Variants in SLC7A14 observed in about 807,000 individuals in gnomAD.
SLC7A14 encodes the protein solute carrier family 7 member 14, also known as gamma-aminobutyric acid transporter SLC7A14.
A neutral mutation model predicts 60.2 loss-of-function variants in SLC7A14; 37 were observed. The ratio of observed to expected loss-of-function variants is 0.61; its 90% confidence interval spans 0.47 to 0.81. The LOEUF is 0.81. Among genes scored for constraint, SLC7A14 ranks in the 30% least tolerant of loss-of-function variants. The probability of loss-of-function intolerance (pLI) is 0.00; values close to 1 mark genes in which losing one functional copy is unlikely to be tolerated. For synonymous variants in SLC7A14, 399 were observed against 395.8 expected (o/e 1.01, Z -0.10); for missense variants, 886 against 982.7 (o/e 0.90, Z 1.32).
chr3:170,526,623 A>C lies in SLC7A14; in HGVS notation c.304+10T>G, dbSNP rs944589673. On this transcript the variant is annotated intron_variant, in intron 2 of 7. Transcript: ENST00000231706. ...CTTTCCACAGTACTTCCCTGCATGGAGACACTTACCTGATAATATGGATGC... is the reference window on the plus strand; with the variant it reads ...CTTTCCACAGTACTTCCCTGCATGGCGACACTTACCTGATAATATGGATGC... 2 of 1,612,682 alleles carry C rather than the reference A, an allele frequency of 1.2e-6. No homozygotes were observed. Among genetic ancestry groups the C allele is most frequent in the Admixed American group, 1.7e-5 (1 of 59,976 alleles).
In SLC7A14 at chr3:170,496,199, G is replaced by A. The variant is rs1712387229; in HGVS notation, c.759+2468C>T. The stretch of plus-strand genomic sequence containing the variant: ...TGGACAACAGCCTCTCCCTGGACAT[G>A]GACAGCATCATCGCTGAGGTCAAGG... On this transcript the variant is annotated intron_variant, in intron 4 of 7. Transcript: ENST00000231706. The A allele has an allele frequency of 5.5e-6, 5 of 912,462 alleles. No individual in the cohort carries two copies. The Admixed American group carries it at 8.5e-5, about 15-fold the overall frequency. 56.5% of individuals were successfully genotyped at this position (912,462 alleles called of 1,614,324 possible).
intron 4 of SLC7A14, among the ~76,000 whole-genome samples, chr3:170,497,566 T>C (rs1321942379): frequency 6.6e-6 from 1 of 152,238 alleles, no homozygotes; most frequent in African/African-American, 2.4e-5. Context: ...CTTTCTGTCA[T>C]CAGTTCTAGG....
At chr3:170,579,994 G>A (rs1438391314) in intron 1 of SLC7A14, among the ~76,000 whole-genome samples, 1 of 152,158 alleles carries the variant, frequency 6.6e-6, no homozygotes, top group African/African-American at 2.4e-5. Context: ...CCCCGAGAAG[G>A]GCTAGAAGTG....
At chr3:170,580,543 T>C (rs769858465) in intron 1 of SLC7A14, among the ~76,000 whole-genome samples, 6 of 152,216 alleles carry the variant, frequency 3.9e-5, no homozygotes, top group African/African-American at 1.4e-4. Context: ...TAGTCCCATA[T>C]GCAACAAAGG....
intron 1 of SLC7A14, among the ~76,000 whole-genome samples, chr3:170,530,401 C>T (rs1713639733): frequency 6.6e-6 from 1 of 152,114 alleles, no homozygotes; most frequent in Non-Finnish European, 1.5e-5. Flanking sequence ...ACATATCTCC[C>T]TTTACAGATG....
chr3:170,582,981 C>A (rs867988445), intron 1 of SLC7A14, among the ~76,000 whole-genome samples: 1 of 152,122 alleles, frequency 6.6e-6, no homozygotes, highest in Non-Finnish European at 1.5e-5. Flanking sequence ...TGTGATAATT[C>A]AGTAAAATGA....
chr3:170,542,164 G>T (rs1311955151), intron 1 of SLC7A14, among the ~76,000 whole-genome samples: 1 of 152,158 alleles, frequency 6.6e-6, no homozygotes, highest in East Asian at 1.9e-4. Flanking sequence ...GAGCCAAGAG[G>T]CAGGATTCTC....
At chr3:170,583,865 C>G (rs912495630) in intron 1 of SLC7A14, among the ~76,000 whole-genome samples, 1 of 151,984 alleles carries the variant, frequency 6.6e-6, no homozygotes, top group Non-Finnish European at 1.5e-5. Context: ...AGTGGGTGAA[C>G]GGATTAAAGA....
At chr3:170,574,992 G>A (rs538329573) in intron 1 of SLC7A14, among the ~76,000 whole-genome samples, 178 of 148,154 alleles carry the variant, frequency 1.2e-3, no homozygotes, top group Non-Finnish European at 1.2e-3. Flanking sequence ...AATGAAGGGT[G>A]GAGGAAAAGT....
chr3:170,536,763 A>G (rs1713853634), intron 1 of SLC7A14, among the ~76,000 whole-genome samples: 1 of 152,208 alleles, frequency 6.6e-6, no homozygotes, highest in African/African-American at 2.4e-5. Flanking sequence ...TATAGTTGCA[A>G]AGTGTACTCA....
At chr3:170,524,436 T>C (rs887785591) in intron 2 of SLC7A14, among the ~76,000 whole-genome samples, 15 of 152,204 alleles carry the variant, frequency 9.9e-5, no homozygotes, top group African/African-American at 3.6e-4. Flanking sequence ...GGTTTCCAGA[T>C]GTAATGTATC....
chr3:170,480,699 A>T lies in SLC7A14; in HGVS notation c.1583T>A (p.Ile528Asn). 1 of 1,614,212 alleles carries T rather than the reference A, an allele frequency of 6.2e-7. No individual in the cohort carries two copies. The highest frequency in any genetic ancestry group is 8.5e-7 in the Non-Finnish European group (1 of 1,180,040). ...TGIEADESEN[I>N]YLIKLKKLIG... is the part of the protein sequence containing the mutation. ...CAGCTTCTTTAACTTGATGAGATAA[A>T]TATTTTCGGATTCATCAGCTTCTAT... Residue 528 changes from isoleucine (I) to asparagine (N), a missense_variant, in exon 7 of 8, where the codon ATT becomes AAT. Transcript: ENST00000231706.
intron 1 of SLC7A14, among the ~76,000 whole-genome samples, chr3:170,536,339 AAAG>A (rs778440058): frequency 4.6e-5 from 7 of 152,260 alleles, no homozygotes; most frequent in African/African-American, 7.2e-5. Flanking sequence ...TTTGCTTGCC[AAAG>A]AAGAAGAGTG....
intron 2 of SLC7A14, among the ~76,000 whole-genome samples, chr3:170,506,737 G>C (rs138735274): frequency 6.6e-6 from 1 of 152,304 alleles, no homozygotes; most frequent in African/African-American, 2.4e-5. Context: ...ATTCTGCTGA[G>C]TCACTTGCAG....
intron 2 of SLC7A14, among the ~76,000 whole-genome samples, chr3:170,508,920 C>T (rs1712873981): frequency 6.6e-6 from 1 of 152,018 alleles, no homozygotes; most frequent in Non-Finnish European, 1.5e-5. Context: ...ATGCAGTGTC[C>T]CCATTATTGC....
At chr3:170,538,993 G>T (rs1713932759) in intron 1 of SLC7A14, among the ~76,000 whole-genome samples, 1 of 152,158 alleles carries the variant, frequency 6.6e-6, no homozygotes, top group African/African-American at 2.4e-5. Flanking sequence ...TCAACTCAAC[G>T]TGTATTCGTC....
At chr3:170,497,752 A>G (rs939007896) in intron 4 of SLC7A14, among the ~76,000 whole-genome samples, 4 of 152,254 alleles carry the variant, frequency 2.6e-5, no homozygotes, top group African/African-American at 9.6e-5. Context: ...TAGTCATCCT[A>G]GAGAAAGAAA....
At chr3:170,563,533 G>T (rs7624729) in intron 1 of SLC7A14, among the ~76,000 whole-genome samples, 120,215 of 151,278 alleles carry the variant, frequency 0.79, 48,418 homozygotes, top group African/African-American at 0.94. Context: ...TTCTCCAGCC[G>T]CAGCCTCCTG....
At chr3:170,554,050 G>A (rs145347814) in intron 1 of SLC7A14, among the ~76,000 whole-genome samples, 1 of 151,974 alleles carries the variant, frequency 6.6e-6, no homozygotes, top group African/African-American at 2.4e-5. Context: ...GTTTCTCTCC[G>A]TATTTTTAAG....
Sources: gnomAD v4.1 joint callset for allele counts (sites outside exome capture counted in the v4.1 genomes callset) on GRCh38, gnomAD v4.1.1 for gene constraint, MANE v1.5 for transcripts, NCBI Gene and HGNC (gene_info 2026-07-23, HGNC 2026-07-21) for gene names.